The following DCAF6 variants were observed in gnomAD, a reference collection of about 807,000 sequenced individuals.
DCAF6 encodes the protein DDB1- and CUL4-associated factor 6.
In DCAF6, 54 loss-of-function variants were observed where a neutral mutation model predicts 125.1. The ratio of observed to expected loss-of-function variants is 0.43; its 90% CI spans 0.35 to 0.54. The LOEUF is 0.54. DCAF6 is among the 20% of genes least tolerant of loss of function. The pLI, the probability that DCAF6 is intolerant of heterozygous loss-of-function variation, is 0.01. For synonymous variants in DCAF6, 371 were observed against 390.4 expected, an observed-to-expected ratio of 0.95 and a Z score of 0.58; for missense variants, 934 against 1,161.7, an observed-to-expected ratio of 0.80 and a Z score of 2.85.
the DCAF6 span, chr1:167,878,613 T>C: frequency 6.2e-7 from 1 of 1,614,136 alleles, no homozygotes; most frequent in Non-Finnish European, 8.5e-7. Context: ...TCCTGGCAGC[T>C]AAGTTGACTT....
intron 2 of DCAF6, among the ~76,000 whole-genome samples, chr1:167,961,444 G>A (rs1022530902): frequency 5.3e-5 from 8 of 151,956 alleles, no homozygotes; most frequent in African/African-American, 1.5e-4. Flanking sequence ...GGGTTTCATC[G>A]TGTTAGCCAG....
chr1:167,936,066 T>A (rs548357867), upstream of DCAF6: 32 of 579,268 alleles, frequency 5.5e-5, no homozygotes, highest in East Asian at 9.1e-4. Flanking sequence ...CAGCCCCCGG[T>A]CCGCCTCCGG....
At chr1:167,920,701 G>A in the DCAF6 span, 1 of 1,440,748 alleles carries the variant, frequency 6.9e-7, no homozygotes, top group Non-Finnish European at 9.4e-7. Context: ...TTTAAATCAA[G>A]CACAAGACAT....
chr1:168,052,041 C>G (rs1037330071), intron 17 of DCAF6, among the ~76,000 whole-genome samples: 28 of 151,918 alleles, frequency 1.8e-4, no homozygotes, highest in African/African-American at 6.5e-4. Flanking sequence ...CCCACCAGGC[C>G]CAGTTAATTT....
intron 21 of DCAF6, among the ~76,000 whole-genome samples, chr1:168,074,354 A>T (rs1308968682): frequency 1.3e-5 from 2 of 152,054 alleles, no homozygotes; most frequent in African/African-American, 4.8e-5. Flanking sequence ...CCATGTTACT[A>T]TGTGGAAATG....
chr1:167,982,396 C>A (rs1424556092), intron 4 of DCAF6, among the ~76,000 whole-genome samples: 1 of 152,088 alleles, frequency 6.6e-6, no homozygotes, highest in Non-Finnish European at 1.5e-5. Context: ...CGCATGCAAC[C>A]ACGCCCAGCT....
the DCAF6 span, among the ~76,000 whole-genome samples, chr1:167,920,853 TCA>T: frequency 1.3e-5 from 2 of 152,198 alleles, no homozygotes; most frequent in Non-Finnish European, 2.9e-5. Context: ...CTAAGCAGTC[TCA>T]CATATCTGAA....
At chr1:167,982,964 A>G (rs1284967596) in intron 4 of DCAF6, among the ~76,000 whole-genome samples, 1 of 152,118 alleles carries the variant, frequency 6.6e-6, no homozygotes, top group Non-Finnish European at 1.5e-5. Flanking sequence ...CGAAGATCAG[A>G]TGACTGTAGG....
intron 4 of DCAF6, among the ~76,000 whole-genome samples, chr1:167,979,451 T>G (rs187608810): frequency 6.6e-6 from 1 of 152,362 alleles, no homozygotes; most frequent in Non-Finnish European, 1.5e-5. Flanking sequence ...AGATACCTCA[T>G]ATAATTGTAA....
chr1:167,919,853 T>C, the DCAF6 span: 1 of 580,124 alleles, frequency 1.7e-6, no homozygotes, highest in South Asian at 2.5e-5. Flanking sequence ...TATATGAATC[T>C]TTTAAAAAAA....
At chr1:167,903,427 G>C in the DCAF6 span, among the ~76,000 whole-genome samples, 2 of 151,992 alleles carry the variant, frequency 1.3e-5, no homozygotes, top group East Asian at 1.9e-4. Context: ...AGACAGGTGT[G>C]GGGGCGGGCG....
intron 20 of DCAF6, among the ~76,000 whole-genome samples, chr1:168,067,447 G>A (rs1427583064): frequency 6.6e-6 from 1 of 152,068 alleles, no homozygotes; most frequent in South Asian, 2.1e-4. Flanking sequence ...AGGATGGAGA[G>A]GTCTTCACAG....
At chr1:167,888,478 A>C in the DCAF6 span, among the ~76,000 whole-genome samples, 1 of 151,470 alleles carries the variant, frequency 6.6e-6, no homozygotes, top group Non-Finnish European at 1.5e-5. Context: ...GAGATCTTTC[A>C]CTTCTTTGGT....
Position 168,045,132 on chromosome 1 carries a change from A to G in DCAF6, c.2163A>G (p.Thr721=). ...CTGGGCCTTCAGCTCATGAAGAAACATCCACCAGGGACTCTGCTCTTCAGG... is the reference window on the plus strand; with the variant it reads ...CTGGGCCTTCAGCTCATGAAGAAACGTCCACCAGGGACTCTGCTCTTCAGG... ...EATGPSAHEE[T]STRDSALQDT... The change falls in exon 16 of 22, where the codon ACA becomes ACG. Residue 721 remains threonine (T), a synonymous_variant. Coordinates refer to ENST00000367840, the MANE Select transcript of DCAF6 (RefSeq NM_001198956.2). 6.2e-7 allele frequency: 1 copy of G among 1,614,026 alleles called. No homozygotes were observed. Among genetic ancestry groups the G allele is most frequent in the South Asian group, 1.1e-5 (1 of 91,076 alleles).
intron 8 of DCAF6, 105 bp downstream of exon 8, chr1:168,002,680 T>C (rs1682807643): frequency 3.6e-6 from 3 of 827,672 alleles, no homozygotes; most frequent in East Asian, 5.7e-5. Flanking sequence ...TGAACATTCT[T>C]ATACATATAG....
rs111860870 is a variant in DCAF6 at position 168,000,101 on chromosome 1, T to C, written c.904-2381T>C. On this transcript the variant is annotated intron_variant, in intron 7 of 21. Coordinates refer to ENST00000367840, the MANE Select transcript of DCAF6 (RefSeq NM_001198956.2). ...GTTATTAACTGGCCTAATTTCAATA[T>C]TATTGTTGTGTCTCAAGAAATTGGA... Among the ~76,000 whole-genome samples the C allele has an allele frequency of 2.9e-3, 448 of 152,218 alleles. 1 individual carries two copies. The highest frequency in any genetic ancestry group is 0.01 in the African/African-American group (426 of 41,526).
intron 1 of DCAF6, among the ~76,000 whole-genome samples, chr1:167,948,134 C>CTTT (rs34716266): frequency 3.6e-3 from 473 of 132,846 alleles, no homozygotes; most frequent in African/African-American, 6.2e-3. Flanking sequence ...TTTCTTAGTC[C>CTTT]TTTTTTTTTT....
intron 7 of DCAF6, among the ~76,000 whole-genome samples, chr1:167,996,636 T>C (rs971256661): frequency 6.6e-6 from 1 of 152,218 alleles, no homozygotes; most frequent in Non-Finnish European, 1.5e-5. Flanking sequence ...CTGTCGGACC[T>C]AAAGCAAAAC....
chr1:167,987,134 A>G (rs1186652489), intron 4 of DCAF6, among the ~76,000 whole-genome samples: 2 of 152,220 alleles, frequency 1.3e-5, no homozygotes, highest in African/African-American at 4.8e-5. Context: ...TTATTGTACA[A>G]TTATAAACTC....
Sources: allele counts gnomAD v4.1 joint callset (sites outside exome capture counted in the v4.1 genomes callset), GRCh38; gene constraint gnomAD v4.1.1; transcripts MANE v1.5; gene names NCBI Gene and HGNC (gene_info 2026-07-23, HGNC 2026-07-21).